Variants in SEMA3A observed in about 807,000 individuals in gnomAD.
SEMA3A encodes semaphorin-3A.
SEMA3A carries 29 observed loss-of-function variants against 97.9 expected under a neutral mutation model. The observed-to-expected ratio is 0.30, with a 90% CI of 0.22 to 0.40. The LOEUF (loss-of-function observed/expected upper bound fraction) is 0.40. Among genes scored for constraint, SEMA3A ranks in the 10% least tolerant of loss-of-function variants. The pLI is 1.00. For missense variants in SEMA3A, 763 were observed against 951.3 expected, an observed-to-expected ratio of 0.80 and a Z score of 2.60; for synonymous variants, 321 against 323.7, an observed-to-expected ratio of 0.99 and a Z score of 0.09.
At chr7:84,386,862 C>G (rs970411763) in intron 1 of SEMA3A, among the ~76,000 whole-genome samples, 14 of 152,046 alleles carry the variant, frequency 9.2e-5, no homozygotes, top group Non-Finnish European at 5.9e-5. Context: ...TAGCCAGGCA[C>G]AGTGGCATTT....
rs575111385 is a variant in SEMA3A, at chr7:84,063,126, A to G, written c.454-2568T>C. Among the ~76,000 whole-genome samples the G allele has an allele frequency of 4.4e-4, 67 of 151,830 alleles. 1 individual carries two copies. The South Asian group carries it at 5.5e-3, about 12-fold the overall frequency. On this transcript the variant is annotated intron_variant, in intron 4 of 16. Coordinates refer to ENST00000265362, the MANE Select transcript of SEMA3A (RefSeq NM_006080.3). ...GTCCCTGACCCCTGACCCCTAAGCA[A>G]CCTAACTGTGAGGCACCCCCAAGCA...
At chr7:84,359,069 C>T (rs999044258) in intron 2 of SEMA3A, among the ~76,000 whole-genome samples, 1 of 152,230 alleles carries the variant, frequency 6.6e-6, no homozygotes, top group South Asian at 2.1e-4. Flanking sequence ...ACATATACAA[C>T]CATGTCATCT....
At chr7:84,136,369 G>C (rs764598973) in intron 1 of SEMA3A, among the ~76,000 whole-genome samples, 1 of 152,112 alleles carries the variant, frequency 6.6e-6, no homozygotes, top group Non-Finnish European at 1.5e-5. Flanking sequence ...GATTTCAACA[G>C]AGGATAAAAT....
chr7:84,203,189 T>A (rs1186417060), intron 3 of SEMA3A, among the ~76,000 whole-genome samples: 1 of 152,040 alleles, frequency 6.6e-6, no homozygotes, highest in Non-Finnish European at 1.5e-5. Flanking sequence ...GCATAATACA[T>A]CACAATATTT....
At chr7:84,002,178 C>A in intron 11 of SEMA3A, 132 bp from the exon 12 acceptor site, 4 of 566,794 alleles carry the variant, frequency 7.1e-6, no homozygotes, top group Admixed American at 3.5e-5. Context: ...ATTTTTTGGT[C>A]AAAACATGAG....
intron 3 of SEMA3A, among the ~76,000 whole-genome samples, chr7:84,226,272 A>G (rs1798989004): frequency 6.6e-6 from 1 of 152,174 alleles, no homozygotes; most frequent in African/African-American, 2.4e-5. Context: ...GGTGTCAGAA[A>G]TCACACATTT....
intron 6 of SEMA3A, among the ~76,000 whole-genome samples, chr7:84,024,092 CATT>C (rs1791450096): frequency 6.6e-6 from 1 of 151,590 alleles, no homozygotes; most frequent in Non-Finnish European, 1.5e-5. Flanking sequence ...GTCCCAGTGA[CATT>C]ATAACTATGA....
At chr7:84,072,010 T>C (rs1793760084) in intron 4 of SEMA3A, among the ~76,000 whole-genome samples, 1 of 152,078 alleles carries the variant, frequency 6.6e-6, no homozygotes, top group Non-Finnish European at 1.5e-5. Flanking sequence ...TAGGAGATGT[T>C]AGCCTACAAA....
intron 3 of SEMA3A, among the ~76,000 whole-genome samples, chr7:84,234,953 C>T (rs112130346): frequency 6.6e-6 from 1 of 151,972 alleles, no homozygotes; most frequent in South Asian, 2.1e-4. Flanking sequence ...CAGTTAATAT[C>T]CCCATGCTGT....
chr7:84,263,467 T>C (rs1042328004), intron 3 of SEMA3A, among the ~76,000 whole-genome samples: 3 of 152,230 alleles, frequency 2.0e-5, no homozygotes, highest in African/African-American at 7.2e-5. Context: ...GTTTCCCCAT[T>C]GAGATATTTT....
intron 1 of SEMA3A, among the ~76,000 whole-genome samples, chr7:84,452,559 C>T: frequency 6.6e-6 from 1 of 152,148 alleles, no homozygotes; most frequent in East Asian, 1.9e-4. Context: ...TTTTCCAAAC[C>T]TACATGTTCC....
chr7:84,341,728 TTAGTG>T (rs2115989127), intron 2 of SEMA3A, among the ~76,000 whole-genome samples: 1 of 152,256 alleles, frequency 6.6e-6, no homozygotes, highest in African/African-American at 2.4e-5. Context: ...TAGTTGTCCT[TTAGTG>T]TAGTCTCCAC....
At chr7:84,307,755 A>G (rs1477740279) in intron 2 of SEMA3A, among the ~76,000 whole-genome samples, 3 of 152,194 alleles carry the variant, frequency 2.0e-5, no homozygotes, top group African/African-American at 7.2e-5. Context: ...TCACTTTAAC[A>G]AAAGCTTTTC....
At position 84,309,016 on chromosome 7, in the gene SEMA3A, T is replaced by C. The variant is rs113868195; in HGVS notation, c.-168-1724A>G. Among the ~76,000 whole-genome samples the C allele has an allele frequency of 3.3e-5, 5 of 151,910 alleles. 1 individual carries two copies. Among genetic ancestry groups the C allele is most frequent in the African/African-American group, 1.2e-4 (5 of 41,488 alleles). On this transcript the variant is annotated intron_variant, in intron 2 of 3. Transcript: ENST00000424555. ...TATTTTTAGTATAGACGGGGTTTCA[T>C]CATGTTGGCCATGCTGGTCTTGAAC... is the stretch of plus-strand genomic sequence containing the variant.
chr7:84,404,647 A>T (rs988885178), intron 1 of SEMA3A, among the ~76,000 whole-genome samples: 2 of 152,292 alleles, frequency 1.3e-5, no homozygotes, highest in Non-Finnish European at 2.9e-5. Context: ...CCAGAGAGAA[A>T]GGTCGGGTTA....
chr7:84,379,494 T>C (rs1462887753), intron 1 of SEMA3A, among the ~76,000 whole-genome samples: 1 of 152,150 alleles, frequency 6.6e-6, no homozygotes, highest in African/African-American at 2.4e-5. Flanking sequence ...TTCCAAAGAA[T>C]TGAGGAAACT....
intron 3 of SEMA3A, among the ~76,000 whole-genome samples, chr7:84,268,173 G>A (rs1435437369): frequency 1.3e-5 from 2 of 151,622 alleles, no homozygotes; most frequent in African/African-American, 2.4e-5. Flanking sequence ...TTTTCCTTAC[G>A]GCCATGGTGA....
At chr7:84,306,191 A>C (rs1422423915) in intron 3 of SEMA3A, among the ~76,000 whole-genome samples, 9 of 151,838 alleles carry the variant, frequency 5.9e-5, no homozygotes, top group Non-Finnish European at 1.3e-4. Context: ...TATGTAAATG[A>C]TATTTCCATG....
intron 11 of SEMA3A, among the ~76,000 whole-genome samples, chr7:84,005,024 T>C (rs910247889): frequency 6.6e-6 from 1 of 152,174 alleles, no homozygotes; most frequent in Admixed American, 6.6e-5. Flanking sequence ...TTAATGAACA[T>C]TAAATATATT....
Sources: allele counts gnomAD v4.1 joint callset (sites outside exome capture counted in the v4.1 genomes callset), GRCh38; gene constraint gnomAD v4.1.1; transcripts MANE v1.5; gene names NCBI Gene and HGNC (gene_info 2026-07-23, HGNC 2026-07-21).